ATP2B2: variants seen among roughly 807,000 people sequenced by gnomAD.
The protein encoded by ATP2B2 is ATPase plasma membrane Ca2+ transporting 2.
ATP2B2 carries 15 observed loss-of-function variants against 120.0 expected under a neutral mutation model. The observed-to-expected ratio is 0.12, with a 90% CI of 0.08 to 0.19. The LOEUF (loss-of-function observed/expected upper bound fraction) is 0.19. ATP2B2 is among the 10% of genes least tolerant of loss of function. ATP2B2 has a pLI of 1.00. For missense variants in ATP2B2, 1,045 were observed against 1,719.8 expected, an observed-to-expected ratio of 0.61 and a Z score of 6.94; for synonymous variants, 694 against 700.3, an observed-to-expected ratio of 0.99 and a Z score of 0.14.
intron 1 of ATP2B2, among the ~76,000 whole-genome samples, chr3:10,463,641 T>C (rs2064598926): frequency 6.6e-6 from 1 of 152,196 alleles, no homozygotes; most frequent in East Asian, 1.9e-4. Context: ...CTGCTCTGGA[T>C]CACAGTGTTA....
chr3:10,512,483 C>CAA (rs2066789192), intron 3 of ATP2B2, among the ~76,000 whole-genome samples: 1 of 151,420 alleles, frequency 6.6e-6, no homozygotes, highest in Non-Finnish European at 1.5e-5. Context: ...CACACACACA[C>CAA]ACACACACAC....
At chr3:10,541,924 G>A (rs1358647762) in intron 2 of ATP2B2, among the ~76,000 whole-genome samples, 1 of 151,984 alleles carries the variant, frequency 6.6e-6, no homozygotes, top group Non-Finnish European at 1.5e-5. Flanking sequence ...ATATTTTACA[G>A]GTCTATTGTT....
At chr3:10,666,347 T>C (rs573740374) in intron 1 of ATP2B2, among the ~76,000 whole-genome samples, 5 of 152,348 alleles carry the variant, frequency 3.3e-5, no homozygotes, top group African/African-American at 1.2e-4. Context: ...TTGAGCCAGA[T>C]GCCAGACCTG....
chr3:10,512,026 C>T lies in ATP2B2; in HGVS notation c.-320+22013G>A, dbSNP rs184099792. On this transcript the variant is annotated intron_variant, in intron 3 of 21. Transcript: ENST00000646379. ...CATTTGCTGAGCACCTACTGTGTGC[C>T]AGGCTCTTAACTACTACCCCAGGAG... Among the ~76,000 whole-genome samples the T allele has an allele frequency of 1.4e-4, 22 of 152,276 alleles. No individual in the cohort carries two copies. The East Asian group carries it at 4.2e-3, about 29-fold the overall frequency.
rs139183731 is a variant in ATP2B2, at chr3:10,701,145, G to T, written c.-460+6770C>A. Among the ~76,000 whole-genome samples the T allele has an allele frequency of 2.9e-3, 437 of 152,324 alleles. 3 individuals carry two copies. Among genetic ancestry groups the T allele is most frequent in the African/African-American group, 0.01 (421 of 41,570 alleles). On this transcript the variant is annotated intron_variant, in intron 1 of 21. Transcript: ENST00000646379. ...GGGGGAGGAGGAAGAGGACAAGAAA[G>T]GCACTGATTTGCTGAGAGAGTAGAA...
intron 2 of ATP2B2, among the ~76,000 whole-genome samples, chr3:10,580,640 C>G (rs1403604029): frequency 6.6e-6 from 1 of 152,290 alleles, no homozygotes; most frequent in African/African-American, 2.4e-5. Flanking sequence ...CTGCCTCCCC[C>G]TCCCTGTCTC....
intron 3 of ATP2B2, among the ~76,000 whole-genome samples, chr3:10,524,168 A>T (rs1575457352): frequency 6.6e-6 from 1 of 151,938 alleles, no homozygotes; most frequent in African/African-American, 2.4e-5. Flanking sequence ...TGGACCCAGG[A>T]GGTAAGTGAG....
intron 1 of ATP2B2, among the ~76,000 whole-genome samples, chr3:10,450,433 C>T (rs762985531): frequency 2.0e-5 from 3 of 152,164 alleles, no homozygotes; most frequent in Non-Finnish European, 2.9e-5. Flanking sequence ...CCTACAAATC[C>T]TCCCTCCACC....
At chr3:10,697,181 T>C (rs553929757) in intron 1 of ATP2B2, among the ~76,000 whole-genome samples, 1 of 152,278 alleles carries the variant, frequency 6.6e-6, no homozygotes, top group African/African-American at 2.4e-5. Context: ...GCATTTTCAC[T>C]GCACCACGCC....
intron 1 of ATP2B2, among the ~76,000 whole-genome samples, chr3:10,479,171 C>G (rs1303687977): frequency 6.6e-6 from 1 of 152,098 alleles, no homozygotes; most frequent in South Asian, 2.1e-4. Flanking sequence ...CTCTCTGCTG[C>G]CACTTGGAAA....
intron 2 of ATP2B2, among the ~76,000 whole-genome samples, chr3:10,538,572 A>G (rs574089752): frequency 1.5e-4 from 23 of 152,344 alleles, no homozygotes; most frequent in Non-Finnish European, 3.2e-4. Context: ...TTGGTTCAAC[A>G]TACGCAAATC....
chr3:10,501,373 G>GTTTTT (rs71626976), intron 1 of ATP2B2, among the ~76,000 whole-genome samples: 101 of 143,832 alleles, frequency 7.0e-4, no homozygotes, highest in African/African-American at 2.4e-3. Flanking sequence ...TTTTTAAACG[G>GTTTTT]TTTTTTTTTT....
chr3:10,464,606 A>G (rs1386841233), intron 1 of ATP2B2, among the ~76,000 whole-genome samples: 1 of 152,210 alleles, frequency 6.6e-6, no homozygotes, highest in African/African-American at 2.4e-5. Flanking sequence ...CCCCCAGTGC[A>G]GTCTCCTCCT....
At chr3:10,593,952 A>G (rs1209623227) in intron 2 of ATP2B2, among the ~76,000 whole-genome samples, 2 of 152,296 alleles carry the variant, frequency 1.3e-5, no homozygotes, top group Non-Finnish European at 2.9e-5. Context: ...TGCAGCCAAC[A>G]GACACATGAA....
At chr3:10,645,833 T>C (rs2070308004) in intron 1 of ATP2B2, among the ~76,000 whole-genome samples, 1 of 152,236 alleles carries the variant, frequency 6.6e-6, no homozygotes, top group Non-Finnish European at 1.5e-5. Flanking sequence ...AAGCCTCTTA[T>C]GTGACCAGGA....
At chr3:10,465,394 A>C (rs2064692595) in intron 1 of ATP2B2, among the ~76,000 whole-genome samples, 1 of 152,224 alleles carries the variant, frequency 6.6e-6, no homozygotes, top group Non-Finnish European at 1.5e-5. Context: ...GATGACAGGC[A>C]ACTTGGCAGA....
chr3:10,586,454 C>A (rs1009483651), intron 2 of ATP2B2, among the ~76,000 whole-genome samples: 1 of 152,152 alleles, frequency 6.6e-6, no homozygotes, highest in Middle Eastern at 3.2e-3. Flanking sequence ...GTTTAAACAA[C>A]CTTCCCAAAG....
intron 2 of ATP2B2, among the ~76,000 whole-genome samples, chr3:10,614,214 T>C (rs1056107428): frequency 6.6e-6 from 1 of 152,180 alleles, no homozygotes. Context: ...CACGTCTACT[T>C]TGTTCACTGC....
chr3:10,494,926 C>A (rs562019678), intron 1 of ATP2B2, among the ~76,000 whole-genome samples: 1 of 152,200 alleles, frequency 6.6e-6, no homozygotes, highest in African/African-American at 2.4e-5. Context: ...GGGGATACAG[C>A]TTGTCAGTGG....
Sources: gnomAD v4.1 joint callset for allele counts (sites outside exome capture counted in the v4.1 genomes callset) on GRCh38, gnomAD v4.1.1 for gene constraint, MANE v1.5 for transcripts, NCBI Gene and HGNC (gene_info 2026-07-23, HGNC 2026-07-21) for gene names.